ANKS1B: variants seen among roughly 807,000 people sequenced by gnomAD.
ANKS1B encodes the protein ankyrin repeat and sterile alpha motif domain-containing protein 1B.
In ANKS1B, 36 loss-of-function variants were observed where a neutral mutation model predicts 148.3. The observed-to-expected ratio is 0.24, with a 90% confidence interval of 0.19 to 0.32. The LOEUF is 0.32. Among genes scored for constraint, ANKS1B ranks in the 10% least tolerant of loss-of-function variants. The pLI is 1.00. For synonymous variants in ANKS1B, 542 were observed against 560.8 expected (o/e 0.97, Z 0.47); for missense variants, 1,157 against 1,542.6 (o/e 0.75, Z 4.19).
chr12:99,443,948 T>TACTGAGCATATTC, intron 10 of ANKS1B, 139 bp from the exon 11 acceptor site: 2 of 974,922 alleles, frequency 2.1e-6, no homozygotes, highest in Non-Finnish European at 3.0e-6. Context: ...AGGAATATGC[T>TACTGAGCATATTC]CAGTAGTATA....
chr12:98,831,831 G>A (rs1440807536), intron 18 of ANKS1B, 198 bp downstream of exon 18: 3 of 608,178 alleles, frequency 4.9e-6, no homozygotes, highest in Non-Finnish European at 9.0e-6. Flanking sequence ...TCACTGCAAT[G>A]CTCCGCCTTC....
chr12:99,299,193 T>C (rs918055088), intron 12 of ANKS1B, among the ~76,000 whole-genome samples: 1 of 152,146 alleles, frequency 6.6e-6, no homozygotes, highest in Non-Finnish European at 1.5e-5. Flanking sequence ...TTCAAGTAGC[T>C]GGGATTACAG....
At chr12:99,199,317 G>A (rs534454900) in intron 14 of ANKS1B, among the ~76,000 whole-genome samples, 1 of 152,138 alleles carries the variant, frequency 6.6e-6, no homozygotes, top group Non-Finnish European at 1.5e-5. Flanking sequence ...TCTGCCTATA[G>A]AATAAAATAG....
chr12:99,651,465 C>T (rs2098418930), intron 9 of ANKS1B, among the ~76,000 whole-genome samples: 1 of 152,152 alleles, frequency 6.6e-6, no homozygotes, highest in African/African-American at 2.4e-5. Context: ...AAACTCTTAA[C>T]AGAGACCAAC....
Position 99,088,205 on chromosome 12 carries a change from T to C in ANKS1B, c.2527-3182A>G, listed in dbSNP as rs180779893. 4.5e-4 allele frequency among the ~76,000 whole-genome samples: 69 copies of C among 152,350 alleles called. No homozygotes were observed. In the East Asian group the frequency reaches 0.013, roughly 29 times the overall value. The stretch of plus-strand genomic sequence containing the variant: ...TTAGAAATTTTCTATTTTATCTTTT[T>C]CTATAATACATAGGGATGCCAAAAA... On this transcript the variant is annotated intron_variant, in intron 15 of 26. Coordinates refer to ENST00000683438, the MANE Select transcript of ANKS1B (RefSeq NM_001352186.2).
At chr12:99,633,330 C>T (rs530531177) in intron 9 of ANKS1B, among the ~76,000 whole-genome samples, 2 of 152,010 alleles carry the variant, frequency 1.3e-5, no homozygotes, top group Non-Finnish European at 2.9e-5. Context: ...GAAATAATAC[C>T]ACACATCTAC....
At chr12:99,525,168 A>G (rs1596345187) in intron 9 of ANKS1B, among the ~76,000 whole-genome samples, 1 of 152,292 alleles carries the variant, frequency 6.6e-6, no homozygotes, top group Middle Eastern at 3.4e-3. Flanking sequence ...AACAAATGCA[A>G]TAATATACCA....
chr12:98,871,623 T>C (rs1312232683), intron 17 of ANKS1B, among the ~76,000 whole-genome samples: 2 of 152,188 alleles, frequency 1.3e-5, no homozygotes, highest in African/African-American at 2.4e-5. Flanking sequence ...TTTCAAAGTC[T>C]TTCATATTTA....
chr12:99,351,375 T>C (rs914679578), intron 12 of ANKS1B, among the ~76,000 whole-genome samples: 10 of 152,086 alleles, frequency 6.6e-5, no homozygotes, highest in African/African-American at 2.4e-4. Context: ...TGGTCTTTTA[T>C]AATTTTTAAT....
At chr12:98,951,573 G>A (rs1037351500) in intron 17 of ANKS1B, among the ~76,000 whole-genome samples, 2 of 152,090 alleles carry the variant, frequency 1.3e-5, no homozygotes, top group African/African-American at 4.8e-5. Context: ...CCTGGCATCT[G>A]TGCCCTTTGC....
chr12:99,707,214 G>A (rs2055939594), intron 8 of ANKS1B, among the ~76,000 whole-genome samples: 2 of 152,000 alleles, frequency 1.3e-5, no homozygotes, highest in Admixed American at 1.3e-4. Context: ...CTGACTGATT[G>A]CCCAAGCCTC....
At chr12:98,894,596 C>T (rs2099759811) in intron 17 of ANKS1B, 3 of 985,046 alleles carry the variant, frequency 3.0e-6, no homozygotes, top group African/African-American at 1.7e-5. Flanking sequence ...GAGCGGGGGC[C>T]GCGGAGCGAG....
At chr12:99,357,912 AT>A (rs991267368) in intron 12 of ANKS1B, among the ~76,000 whole-genome samples, 6 of 151,828 alleles carry the variant, frequency 4.0e-5, no homozygotes, top group Admixed American at 1.3e-4. Context: ...AATGTTTTCT[AT>A]TTTTTTCATA....
At chr12:99,004,664 T>C (rs2099935057) in intron 17 of ANKS1B, among the ~76,000 whole-genome samples, 1 of 142,426 alleles carries the variant, frequency 7.0e-6, no homozygotes, top group African/African-American at 2.6e-5. Flanking sequence ...AGGTGGGTGC[T>C]GGGTGGGGGG....
chr12:99,023,983 G>T (rs959972249), intron 17 of ANKS1B, among the ~76,000 whole-genome samples: 8 of 150,250 alleles, frequency 5.3e-5, no homozygotes, highest in Admixed American at 4.6e-4. Flanking sequence ...ATTATATAAA[G>T]ATTACATATA....
intron 1 of ANKS1B, among the ~76,000 whole-genome samples, chr12:99,873,504 A>C (rs1016005940): frequency 6.6e-6 from 1 of 152,086 alleles, no homozygotes; most frequent in Non-Finnish European, 1.5e-5. Flanking sequence ...CTCATTCCCT[A>C]CCCTCAGCTC....
intron 14 of ANKS1B, among the ~76,000 whole-genome samples, chr12:99,211,243 C>G (rs915064085): frequency 2.0e-5 from 3 of 152,014 alleles, no homozygotes; most frequent in Non-Finnish European, 4.4e-5. Flanking sequence ...CCCAACAGAC[C>G]CAATTAAAAT....
chr12:98,889,121 A>G (rs2099746611), intron 17 of ANKS1B, among the ~76,000 whole-genome samples: 1 of 152,250 alleles, frequency 6.6e-6, no homozygotes, highest in Non-Finnish European at 1.5e-5. Flanking sequence ...TACAAATTCA[A>G]TATCAAGCCT....
At chr12:98,851,156 C>A (rs1345649649) in intron 17 of ANKS1B, among the ~76,000 whole-genome samples, 1 of 152,166 alleles carries the variant, frequency 6.6e-6, no homozygotes, top group Non-Finnish European at 1.5e-5. Context: ...AGCAAATACA[C>A]ATTGAGGGTG....
Sources: allele counts gnomAD v4.1 joint callset (sites outside exome capture counted in the v4.1 genomes callset), GRCh38; gene constraint gnomAD v4.1.1; transcripts MANE v1.5; gene names NCBI Gene and HGNC (gene_info 2026-07-23, HGNC 2026-07-21).